EFTUD2: variants seen among roughly 807,000 people sequenced by gnomAD.
The protein encoded by EFTUD2 is 116 kDa U5 small nuclear ribonucleoprotein component.
EFTUD2 carries 9 observed loss-of-function variants against 114.3 expected under a neutral mutation model. The observed-to-expected ratio is 0.08, with a 90% CI of 0.05 to 0.14. EFTUD2 has a LOEUF of 0.14. Among genes scored for constraint, EFTUD2 ranks in the 10% least tolerant of loss-of-function variants. The probability of loss-of-function intolerance (pLI) is 1.00; values close to 1 mark genes in which losing one functional copy is unlikely to be tolerated. For synonymous variants in EFTUD2, 449 were observed against 462.3 expected (o/e 0.97, Z 0.37); for missense variants, 765 against 1,241.2 (o/e 0.62, Z 5.76).
At chr17:44,862,941 T>A (rs374246371) in intron 15 of EFTUD2, 35 bp from the exon 16 acceptor site, 56 of 1,571,144 alleles carry the variant, frequency 3.6e-5, no homozygotes, top group Non-Finnish European at 4.5e-5. Flanking sequence ...TTCAACCACA[T>A]CTATGCTCCG....
At chr17:44,870,755 C>T (rs2050834667) in intron 11 of EFTUD2, among the ~76,000 whole-genome samples, 1 of 152,206 alleles carries the variant, frequency 6.6e-6, no homozygotes, top group African/African-American at 2.4e-5. Flanking sequence ...CACAGTGGCT[C>T]ATGCCTGTAA....
chr17:44,888,555 T>G (rs1308664157), intron 2 of EFTUD2, among the ~76,000 whole-genome samples: 1 of 152,024 alleles, frequency 6.6e-6, no homozygotes, highest in Non-Finnish European at 1.5e-5. Context: ...AGGAAAGAAA[T>G]AACAGTGGTG....
At chr17:44,861,416 G>A (rs1185215955) in intron 16 of EFTUD2, among the ~76,000 whole-genome samples, 1 of 132,318 alleles carries the variant, frequency 7.6e-6, no homozygotes, top group African/African-American at 3.0e-5. Flanking sequence ...TTGCACTCCA[G>A]CCTGGCTGAC....
rs1384371730 is a variant in EFTUD2 at position 44,862,867 on chromosome 17, C to T, written c.1453G>A (p.Asp485Asn). 1 of 1,614,194 alleles carries T rather than the reference C, an allele frequency of 6.2e-7. No homozygotes were observed. Among genetic ancestry groups the T allele is most frequent in the Admixed American group, 1.7e-5 (1 of 60,024 alleles). ...MCHTTKMYSTDDGVQFHAFGR... is the reference protein window; with the variant it reads ...MCHTTKMYSTNDGVQFHAFGR... ...AAGGCGTGAAACTGGACTCCATCAT[C>T]TGTGCTGTACATCTTAGTAGTGTGG... Residue 485 changes from aspartate (D) to asparagine (N), a missense_variant, in exon 16 of 28, where the codon GAT (aspartate) becomes AAT (asparagine). By Grantham distance (23) the Asp-to-Asn change is conservative (BLOSUM62 1). This residue lies in a region of EFTUD2 where 149 missense variants were observed against 245.1 expected (regional missense o/e 0.61). Transcript: ENST00000426333.
rs565251155 is a variant in EFTUD2 at position 44,867,768 on chromosome 17, A to T, written c.1149+39T>A. On this transcript the variant is annotated intron_variant, in intron 13 of 27. Transcript: ENST00000426333. ...TCACCAGCTCTTCCACACTGTGCTT[A>T]TAAGAGCAGATCTGCCCAGTGTGAC... 5 of 1,480,612 alleles carry T rather than the reference A, an allele frequency of 3.4e-6. No homozygotes were observed. The South Asian group carries it at 6.8e-5, about 20-fold the overall frequency. The allele number at this position is 1,480,612 out of a possible 1,614,324, so 91.7% of individuals were successfully genotyped here.
intron 2 of EFTUD2, 113 bp from the exon 3 acceptor site, chr17:44,886,863 C>G: frequency 6.7e-7 from 1 of 1,485,162 alleles, no homozygotes; most frequent in Admixed American, 2.1e-5. Flanking sequence ...GCTTCTTATT[C>G]TGAGTTCTAT....
At chr17:44,853,196 A>G (rs886543891) in intron 25 of EFTUD2, 100 bp downstream of exon 25, 3 of 1,214,966 alleles carry the variant, frequency 2.5e-6, no homozygotes, top group African/African-American at 1.5e-5. Context: ...CAGAGAGAGG[A>G]GGGTAGAGAA....
chr17:44,881,586 T>C (rs1437618287), intron 7 of EFTUD2, 101 bp downstream of exon 7: 2 of 1,225,568 alleles, frequency 1.6e-6, no homozygotes, highest in Non-Finnish European at 2.4e-6. Context: ...GAGTAGGATA[T>C]GAACTAAAAT....
intron 16 of EFTUD2, 50 bp from the exon 17 acceptor site, chr17:44,860,593 T>C: frequency 1.0e-6 from 1 of 955,042 alleles, no homozygotes; most frequent in Non-Finnish European, 1.6e-6. Flanking sequence ...GAGCATTCCC[T>C]AATTTTTTTT....
At chr17:44,883,819 C>A in intron 4 of EFTUD2, 95 bp from the exon 5 acceptor site, 1 of 1,150,138 alleles carries the variant, frequency 8.7e-7, no homozygotes, top group Non-Finnish European at 1.3e-6. Flanking sequence ...TGGCCAGGAA[C>A]AACTTTCAGA....
chr17:44,879,812 T>C (rs2051037530), intron 8 of EFTUD2, among the ~76,000 whole-genome samples, 174 bp from the exon 9 acceptor site: 1 of 152,028 alleles, frequency 6.6e-6, no homozygotes, highest in Non-Finnish European at 1.5e-5. Flanking sequence ...TATCCTTGCA[T>C]TAAGCTTTCC....
intron 10 of EFTUD2, among the ~76,000 whole-genome samples, chr17:44,874,686 ATAT>A (rs2050914938): frequency 6.6e-6 from 1 of 152,192 alleles, no homozygotes; most frequent in Non-Finnish European, 1.5e-5. Flanking sequence ...AGGCCCTTTG[ATAT>A]TATATTCTAA....
intron 13 of EFTUD2, 40 bp downstream of exon 13, chr17:44,867,767 T>A: frequency 6.8e-7 from 1 of 1,481,218 alleles, no homozygotes; most frequent in Non-Finnish European, 9.0e-7. Context: ...ACACTGTGCT[T>A]ATAAGAGCAG....
At chr17:44,885,427 T>C (rs2051150797) in intron 3 of EFTUD2, 93 bp from the exon 4 acceptor site, 6 of 859,884 alleles carry the variant, frequency 7.0e-6, no homozygotes, top group Middle Eastern at 2.2e-4. Flanking sequence ...TCAGAATGTA[T>C]GATGTATGAC....
Position 44,876,876 on chromosome 17 carries a change from A to C in EFTUD2, c.703-776T>G, listed in dbSNP as rs1038325505. On this transcript the variant is annotated intron_variant, in intron 9 of 27. Transcript: ENST00000426333. The stretch of plus-strand genomic sequence containing the variant: ...GTCTCAAAAAAAAAAAAAAAAAAAA[A>C]AAAAACTACTCCCCACTATGAGCCA... Among the ~76,000 whole-genome samples the C allele has an allele frequency of 2.8e-5, 4 of 144,770 alleles. 1 individual carries two copies. The highest frequency in any genetic ancestry group is 1.0e-4 in the African/African-American group (4 of 39,864). 95.0% of individuals were successfully genotyped at this position (144,770 alleles called of 152,430 possible).
intron 15 of EFTUD2, chr17:44,863,147 GAC>G: frequency 5.1e-6 from 2 of 395,758 alleles, no homozygotes; most frequent in African/African-American, 2.0e-5. Flanking sequence ...TTGAGGAAGA[GAC>G]ACAGATTTAA....
At chr17:44,853,847 G>A (rs2050499615) in intron 23 of EFTUD2, 13 of 1,412,078 alleles carry the variant, frequency 9.2e-6, no homozygotes, top group Non-Finnish European at 1.2e-5. Flanking sequence ...TTTGCTTCAG[G>A]CCATGCTCAG....
intron 2 of EFTUD2, chr17:44,892,448 C>T (rs1415656959): frequency 1.3e-5 from 2 of 152,140 alleles, no homozygotes; most frequent in African/African-American, 4.8e-5. Flanking sequence ...CAGCTGTGAC[C>T]TCCTCTAATT....
chr17:44,898,089 A>G (rs1362697401), intron 1 of EFTUD2, among the ~76,000 whole-genome samples: 1 of 152,222 alleles, frequency 6.6e-6, no homozygotes, highest in Non-Finnish European at 1.5e-5. Context: ...AGGACCAATA[A>G]TTAAATGTAA....
Sources: allele counts gnomAD v4.1 joint callset (sites outside exome capture counted in the v4.1 genomes callset), GRCh38; gene constraint gnomAD v4.1.1; regional missense constraint gnomAD v4.1.1; transcripts MANE v1.5; gene names NCBI Gene and HGNC (gene_info 2026-07-23, HGNC 2026-07-21).